The following TMTC2 variants were observed in gnomAD, a reference collection of about 807,000 sequenced individuals.
TMTC2 encodes the protein protein O-mannosyl-transferase TMTC2.
Under a neutral mutation model 82.4 loss-of-function variants are expected in TMTC2, and 43 were observed. The ratio of observed to expected loss-of-function variants is 0.52; its 90% CI spans 0.41 to 0.67. The LOEUF is 0.67. Ranked by LOEUF, TMTC2 falls within the 30% of genes least tolerant of loss-of-function variation. The pLI, the probability that TMTC2 is intolerant of heterozygous loss-of-function variation, is 0.00. For synonymous variants in TMTC2, 408 were observed against 381.9 expected, an observed-to-expected ratio of 1.07 and a Z score of -0.80; for missense variants, 919 against 1,012.4, an observed-to-expected ratio of 0.91 and a Z score of 1.25.
At chr12:83,082,699 T>C (rs1030010670) in intron 11 of TMTC2, among the ~76,000 whole-genome samples, 3 of 152,228 alleles carry the variant, frequency 2.0e-5, no homozygotes, top group Non-Finnish European at 4.4e-5. Flanking sequence ...GTTCATGATA[T>C]GGCAGCATAT....
chr12:82,729,884 C>T (rs190809514), intron 1 of TMTC2, among the ~76,000 whole-genome samples: 1,537 of 152,278 alleles, frequency 0.01, 25 homozygotes, highest in Admixed American at 0.051. Context: ...AGCTTCACTC[C>T]TGAAGCCAGC....
At chr12:82,748,197 G>C (rs1415154741) in intron 1 of TMTC2, among the ~76,000 whole-genome samples, 1 of 152,098 alleles carries the variant, frequency 6.6e-6, no homozygotes, top group African/African-American at 2.4e-5. Context: ...TGTAGTCCCA[G>C]CTACTCAGGA....
At chr12:82,798,338 G>T (rs1429525269) in intron 1 of TMTC2, among the ~76,000 whole-genome samples, 2 of 150,562 alleles carry the variant, frequency 1.3e-5, no homozygotes, top group Non-Finnish European at 3.0e-5. Flanking sequence ...TTGGGAGGCC[G>T]AGGCCGGTGG....
intron 3 of TMTC2, among the ~76,000 whole-genome samples, chr12:82,916,535 G>A (rs1374669027): frequency 1.3e-5 from 2 of 152,164 alleles, no homozygotes; most frequent in Admixed American, 1.3e-4. Context: ...GCAGACCTGA[G>A]CCATGGATGT....
Position 82,852,191 on chromosome 12 carries a change from T to C in TMTC2, c.84-4819T>C, listed in dbSNP as rs546443413. Among the ~76,000 whole-genome samples the C allele has an allele frequency of 2.1e-4, 31 of 148,902 alleles. No individual in the cohort carries two copies. In the East Asian group the frequency reaches 6.1e-3, roughly 30 times the overall value. On this transcript the variant is annotated intron_variant, in intron 1 of 11. Coordinates refer to ENST00000321196, the MANE Select transcript of TMTC2 (RefSeq NM_152588.3). ...ATCTCAGCTCAGTGCAAGCTCCGCC[T>C]CCCGGGTTCACACCATTCTCCTGCC...
intron 11 of TMTC2, among the ~76,000 whole-genome samples, chr12:83,088,844 G>T (rs1180213586): frequency 3.9e-5 from 6 of 152,104 alleles, no homozygotes. Context: ...GGAGCTGAGG[G>T]GCTGAAGAAA....
At position 83,036,237 on chromosome 12, in the gene TMTC2, A is replaced by T. The variant is rs114067389; in HGVS notation, c.2152+5358A>T. On this transcript the variant is annotated intron_variant, in intron 9 of 11. Transcript: ENST00000321196. Reference sequence around the variant, plus strand: ...TGCTAGATATAGGGACACAGTAGAGAATAAGACCAGCTCTAGCAAATCTTA... The same window carrying T: ...TGCTAGATATAGGGACACAGTAGAGTATAAGACCAGCTCTAGCAAATCTTA... 8.4e-3 allele frequency among the ~76,000 whole-genome samples: 1,275 copies of T among 152,302 alleles called. 15 individuals carry two copies. The highest frequency in any genetic ancestry group is 0.03 in the African/African-American group (1,234 of 41,570).
intron 11 of TMTC2, among the ~76,000 whole-genome samples, chr12:83,077,642 T>A (rs1223347686): frequency 6.6e-6 from 1 of 152,042 alleles, no homozygotes; most frequent in East Asian, 1.9e-4. Flanking sequence ...TGGTGCCATC[T>A]CAGCTCACTG....
At chr12:83,050,557 C>T (rs1882307920) in intron 9 of TMTC2, among the ~76,000 whole-genome samples, 1 of 151,772 alleles carries the variant, frequency 6.6e-6, no homozygotes, top group South Asian at 2.1e-4. Context: ...ATGAATATAC[C>T]TGTTTGTACA....
rs183618739 is a variant in TMTC2 at position 82,714,726 on chromosome 12, A to C, written c.83+27057A>C. On this transcript the variant is annotated intron_variant, in intron 1 of 11. Transcript: ENST00000321196. ...GTGAATTTTTTTTAAAAGGATAATT[A>C]AAATGTTGTCACATAGCTCACATTC... Among the ~76,000 whole-genome samples, 25 of 152,300 alleles carry C rather than the reference A, an allele frequency of 1.6e-4. No individual in the cohort carries two copies. The East Asian group carries it at 4.2e-3, about 26-fold the overall frequency.
chr12:82,764,912 G>C (rs2470364), intron 1 of TMTC2, among the ~76,000 whole-genome samples: 51 of 150,222 alleles, frequency 3.4e-4, no homozygotes, highest in African/African-American at 1.3e-3. Flanking sequence ...TGCATTTTAC[G>C]TAAGACAACA....
chr12:83,016,619 C>T (rs570433955), intron 8 of TMTC2, among the ~76,000 whole-genome samples: 2 of 152,308 alleles, frequency 1.3e-5, no homozygotes, highest in East Asian at 3.9e-4. Context: ...AGTAGGTACT[C>T]TCTAAATACA....
At position 83,002,287 on chromosome 12, in the gene TMTC2, G is replaced by A. The variant is rs544652450; in HGVS notation, c.2070+16241G>A. On this transcript the variant is annotated intron_variant, in intron 8 of 11. Coordinates refer to ENST00000321196, the MANE Select transcript of TMTC2 (RefSeq NM_152588.3). ...GGATCTTTCCTATTTCTGTGGGATTGGTTGTAATGTCATCTTTGTTATGTC... is the reference window on the plus strand; with the variant it reads ...GGATCTTTCCTATTTCTGTGGGATTAGTTGTAATGTCATCTTTGTTATGTC... Among the ~76,000 whole-genome samples, 45 of 152,210 alleles carry A rather than the reference G, an allele frequency of 3.0e-4. 1 individual carries two copies. The highest frequency in any genetic ancestry group is 2.8e-3 in the Admixed American group (43 of 15,292).
chr12:82,744,036 G>C (rs186706300), intron 1 of TMTC2, among the ~76,000 whole-genome samples: 36 of 152,264 alleles, frequency 2.4e-4, no homozygotes, highest in South Asian at 1.0e-3. Flanking sequence ...TGCTCTGGGA[G>C]GCCAGGCGGG....
chr12:83,032,380 C>A (rs1020982913), intron 9 of TMTC2, among the ~76,000 whole-genome samples: 2 of 149,596 alleles, frequency 1.3e-5, no homozygotes, highest in Non-Finnish European at 3.0e-5. Context: ...TAAAAGTTGG[C>A]CCCCTTATTA....
chr12:82,852,755 C>G (rs1481748680), intron 1 of TMTC2, among the ~76,000 whole-genome samples: 1 of 152,152 alleles, frequency 6.6e-6, no homozygotes, highest in African/African-American at 2.4e-5. Flanking sequence ...TCTTATTTTG[C>G]TGGAGGATTA....
At chr12:83,118,352 C>G (rs1884836207) in intron 11 of TMTC2, among the ~76,000 whole-genome samples, 2 of 152,112 alleles carry the variant, frequency 1.3e-5, no homozygotes, top group South Asian at 2.1e-4. Flanking sequence ...CCTTTGTATG[C>G]CGATTTTGCT....
rs187122091 is a variant in TMTC2, at chr12:82,769,772, A to T, written c.83+82103A>T. ...ATTACAGTTGTGTACCACCATGCCC[A>T]GCTAATTTTTGTATTTTTAGTAGGG... On this transcript the variant is annotated intron_variant, in intron 1 of 11. Coordinates refer to ENST00000321196, the MANE Select transcript of TMTC2 (RefSeq NM_152588.3). Among the ~76,000 whole-genome samples the T allele has an allele frequency of 9.9e-5, 15 of 151,974 alleles. No individual in the cohort carries two copies. The East Asian group carries it at 2.9e-3, about 30-fold the overall frequency.
At chr12:83,075,345 A>G (rs1218970161) in intron 11 of TMTC2, among the ~76,000 whole-genome samples, 1 of 152,116 alleles carries the variant, frequency 6.6e-6, no homozygotes, top group Admixed American at 6.5e-5. Flanking sequence ...AAACCTCCGC[A>G]AGCTGCTCTG....
Sources: allele counts gnomAD v4.1 joint callset (sites outside exome capture counted in the v4.1 genomes callset), GRCh38; gene constraint gnomAD v4.1.1; transcripts MANE v1.5; gene names NCBI Gene and HGNC (gene_info 2026-07-23, HGNC 2026-07-21).